COG5: variants seen among roughly 807,000 people sequenced by gnomAD.
The protein encoded by COG5 is conserved oligomeric Golgi complex subunit 5.
In COG5, 86 loss-of-function variants were observed where a neutral mutation model predicts 110.4. That is an observed-to-expected ratio of 0.78 (90% CI 0.65 to 0.93). The LOEUF is 0.93. Ranked by LOEUF, COG5 falls within the 40% of genes least tolerant of loss-of-function variation. COG5 has a pLI of 0.00. For synonymous variants in COG5, 360 were observed against 334.6 expected (o/e 1.08, Z -0.83); for missense variants, 1,077 against 987.0 (o/e 1.09, Z -1.22).
intron 6 of COG5, among the ~76,000 whole-genome samples, chr7:107,438,636 C>T (rs185344084): frequency 1.1e-4 from 16 of 152,246 alleles, no homozygotes; most frequent in African/African-American, 3.6e-4. Flanking sequence ...TACCCCTGGA[C>T]TATCACATGA....
At chr7:107,430,818 G>C (rs1793978332) in intron 6 of COG5, among the ~76,000 whole-genome samples, 1 of 152,244 alleles carries the variant, frequency 6.6e-6, no homozygotes, top group South Asian at 2.1e-4. Flanking sequence ...TATGCCATGG[G>C]TCTTGAGATG....
chr7:107,546,435 G>GTTTTTTGTT (rs1554461427), intron 5 of COG5, among the ~76,000 whole-genome samples: 2 of 119,518 alleles, frequency 1.7e-5, no homozygotes, highest in Non-Finnish European at 3.4e-5. Flanking sequence ...TTGGTTTTTT[G>GTTTTTTGTT]TTTTTTTTTT....
chr7:107,239,233 A>G (rs1455080028), intron 17 of COG5, among the ~76,000 whole-genome samples: 1 of 152,120 alleles, frequency 6.6e-6, no homozygotes, highest in African/African-American at 2.4e-5. Context: ...TCCTTATTCC[A>G]TTGAGTGTTC....
At chr7:107,337,752 T>C (rs531854550) in intron 10 of COG5, among the ~76,000 whole-genome samples, 28 of 152,258 alleles carry the variant, frequency 1.8e-4, no homozygotes, top group African/African-American at 6.0e-4. Flanking sequence ...AAGGTGGCTA[T>C]AGTTAACAAC....
In COG5 at chr7:107,554,339, CA is replaced by C. The variant is rs1330009938; in HGVS notation, c.237del (p.Val80LeufsTer23). The C allele has an allele frequency of 1.9e-6, 3 of 1,613,646 alleles. No individual in the cohort carries two copies. The East Asian group carries it at 6.7e-5, about 36-fold the overall frequency. ...GCCAGTAAATCTTCATGTCTTGCAA[CA>C]ACCTGAAAATCAAAAATAAATGATT... ...SQLDRELHLQ[V>X]VARHEDLLAQ... On this transcript the variant is annotated frameshift_variant and splice_region_variant, in exon 3 of 22. Transcript: ENST00000297135. LOFTEE classifies it high-confidence loss of function.
At chr7:107,550,287 A>G (rs570055675) in intron 3 of COG5, among the ~76,000 whole-genome samples, 1 of 152,024 alleles carries the variant, frequency 6.6e-6, no homozygotes, top group South Asian at 2.1e-4. Flanking sequence ...ATCAACTTCA[A>G]CTATTCTAAT....
chr7:107,493,201 G>A (rs1484209337), intron 6 of COG5, among the ~76,000 whole-genome samples: 2 of 152,110 alleles, frequency 1.3e-5, no homozygotes, highest in Non-Finnish European at 2.9e-5. Context: ...GCAGCACGAA[G>A]GCCCACATTG....
intron 6 of COG5, among the ~76,000 whole-genome samples, chr7:107,498,164 T>C (rs1798397096): frequency 6.6e-6 from 1 of 152,180 alleles, no homozygotes; most frequent in Admixed American, 6.5e-5. Context: ...CCGTTAGACC[T>C]GAAACTGTAA....
chr7:107,388,123 C>T (rs533766874), intron 7 of COG5, among the ~76,000 whole-genome samples: 2 of 152,350 alleles, frequency 1.3e-5, no homozygotes, highest in East Asian at 3.9e-4. Context: ...TACCCAGAAA[C>T]TGGCTAAACA....
At chr7:107,530,386 T>C (rs938509095) in intron 5 of COG5, among the ~76,000 whole-genome samples, 4 of 152,012 alleles carry the variant, frequency 2.6e-5, no homozygotes, top group Admixed American at 6.6e-5. Context: ...CGGATCACCT[T>C]AGGTCGAGAG....
At chr7:107,535,283 T>G (rs939623523) in intron 5 of COG5, among the ~76,000 whole-genome samples, 16 of 151,144 alleles carry the variant, frequency 1.1e-4, no homozygotes, top group Admixed American at 7.2e-4. Flanking sequence ...AGCAAACAAA[T>G]GCAAAATCTA....
At chr7:107,225,760 C>A (rs1036562116) in intron 19 of COG5, among the ~76,000 whole-genome samples, 2 of 152,120 alleles carry the variant, frequency 1.3e-5, no homozygotes, top group Admixed American at 1.3e-4. Context: ...TAGTAGAGGT[C>A]GGCTGGGCAT....
intron 6 of COG5, among the ~76,000 whole-genome samples, chr7:107,433,675 A>C (rs1297360885): frequency 6.6e-6 from 1 of 152,232 alleles, no homozygotes; most frequent in African/African-American, 2.4e-5. Context: ...AATTTAACTC[A>C]AAATGGATCA....
chr7:107,519,659 T>C (rs1584926176), intron 6 of COG5, among the ~76,000 whole-genome samples: 1 of 152,142 alleles, frequency 6.6e-6, no homozygotes, highest in Non-Finnish European at 1.5e-5. Flanking sequence ...ATTAATAGCC[T>C]ACCAGCCAAA....
At chr7:107,518,152 AAGG>A in intron 6 of COG5, among the ~76,000 whole-genome samples, 1 of 152,192 alleles carries the variant, frequency 6.6e-6, no homozygotes, top group South Asian at 2.1e-4. Context: ...AGAGCTACTG[AAGG>A]AAGCACTAAA....
At chr7:107,451,892 T>C (rs1200151548) in intron 6 of COG5, among the ~76,000 whole-genome samples, 4 of 152,160 alleles carry the variant, frequency 2.6e-5, no homozygotes, top group Non-Finnish European at 5.9e-5. Context: ...GTTAAGTTTC[T>C]GGGGAGTCAA....
At chr7:107,262,502 T>C (rs572404803) in intron 14 of COG5, among the ~76,000 whole-genome samples, 9 of 152,226 alleles carry the variant, frequency 5.9e-5, no homozygotes, top group African/African-American at 1.2e-4. Flanking sequence ...CATGGTCACT[T>C]AGGAAAATTC....
chr7:107,236,430 G>A lies in COG5; in HGVS notation c.2091+20C>T. On this transcript the variant is annotated intron_variant, in intron 18 of 21. Transcript: ENST00000297135. ...TTGAGGCCAAAACATTTTTTCTTTTGTAGTAATTCATCAATGTACCTGTGC... is the reference window on the plus strand; with the variant it reads ...TTGAGGCCAAAACATTTTTTCTTTTATAGTAATTCATCAATGTACCTGTGC... 6.5e-7 allele frequency: 1 copy of A among 1,544,334 alleles called. No homozygotes were observed. Among genetic ancestry groups the A allele is most frequent in the Non-Finnish European group, 9.0e-7 (1 of 1,117,116 alleles).
At chr7:107,260,585 T>C (rs1023664879) in intron 14 of COG5, among the ~76,000 whole-genome samples, 3 of 152,076 alleles carry the variant, frequency 2.0e-5, no homozygotes, top group Non-Finnish European at 4.4e-5. Flanking sequence ...TAAGAAAGCA[T>C]AGAAAAAATC....
Sources: gnomAD v4.1 joint callset for allele counts (sites outside exome capture counted in the v4.1 genomes callset) on GRCh38, gnomAD v4.1.1 for gene constraint, MANE v1.5 for transcripts, NCBI Gene and HGNC (gene_info 2026-07-23, HGNC 2026-07-21) for gene names.